Variants in CDK6 observed in about 807,000 individuals in gnomAD.
CDK6 encodes cyclin-dependent kinase 6.
Under a neutral mutation model 37.1 loss-of-function variants are expected in CDK6, and 6 were observed. The observed-to-expected ratio is 0.16, with a 90% CI of 0.09 to 0.32. CDK6 has a LOEUF of 0.32. Ranked by LOEUF, CDK6 falls within the 10% of genes least tolerant of loss-of-function variation. The probability of loss-of-function intolerance (pLI) is 1.00; values close to 1 mark genes in which losing one functional copy is unlikely to be tolerated. For missense variants in CDK6, 224 were observed against 418.9 expected (o/e 0.53, Z 4.06); for synonymous variants, 160 against 161.3 (o/e 0.99, Z 0.06).
intron 2 of CDK6, among the ~76,000 whole-genome samples, chr7:92,810,651 CAAT>C (rs1800854809): frequency 6.6e-6 from 1 of 152,090 alleles, no homozygotes; most frequent in African/African-American, 2.4e-5. Flanking sequence ...TAGAAACATA[CAAT>C]AATTTTACTG....
At chr7:92,818,053 T>C (rs927148695) in intron 2 of CDK6, among the ~76,000 whole-genome samples, 1 of 151,974 alleles carries the variant, frequency 6.6e-6, no homozygotes, top group African/African-American at 2.4e-5. Context: ...TCGCCCTAAT[T>C]AATAGAGATT....
intron 2 of CDK6, among the ~76,000 whole-genome samples, chr7:92,815,424 G>T (rs140844235): frequency 1.3e-5 from 2 of 152,200 alleles, no homozygotes; most frequent in African/African-American, 4.8e-5. Context: ...GGACATACAA[G>T]GCAGTAAGGG....
At chr7:92,711,676 T>TA (rs2116681596) in intron 4 of CDK6, among the ~76,000 whole-genome samples, 1 of 147,658 alleles carries the variant, frequency 6.8e-6, no homozygotes, top group South Asian at 2.2e-4. Flanking sequence ...CAAGCGATCT[T>TA]CCCACCTCAG....
intron 2 of CDK6, among the ~76,000 whole-genome samples, chr7:92,782,099 A>G (rs1413280306): frequency 2.0e-5 from 3 of 152,192 alleles, no homozygotes; most frequent in African/African-American, 7.2e-5. Context: ...AGCACCTACC[A>G]TGTGCAGGCA....
rs574451041 is a variant in CDK6 at position 92,727,943 on chromosome 7, A to G, written c.370-2150T>C. 3.3e-5 allele frequency among the ~76,000 whole-genome samples: 5 copies of G among 152,342 alleles called. No homozygotes were observed. In the South Asian group the frequency reaches 1.0e-3, roughly 32 times the overall value. On this transcript the variant is annotated intron_variant, in intron 3 of 7. Transcript: ENST00000424848. ...TTGTAAGCACTGAATTTTAAAAAGC[A>G]TGACTAACCTAAAGTAATGTCCTGT...
rs1479183409 is a variant in CDK6, at chr7:92,828,809, C to CAA, written c.233+4280_233+4281dup. 2.6e-5 allele frequency among the ~76,000 whole-genome samples: 4 copies of CAA among 152,104 alleles called. No homozygotes were observed. The East Asian group carries it at 7.7e-4, about 29-fold the overall frequency. ...TGCAATGTCAAAAATTCAGCATTATCAAGTTCTTCTGTAGGAACAAAAAAT... is the reference window on the plus strand; with the variant it reads ...TGCAATGTCAAAAATTCAGCATTATCAAAAGTTCTTCTGTAGGAACAAAAAAT... On this transcript the variant is annotated intron_variant, in intron 2 of 7. Transcript: ENST00000424848.
rs530216197 is a variant in CDK6, at chr7:92,709,014, T to C, written c.537+16612A>G. Among the ~76,000 whole-genome samples, 24 of 152,308 alleles carry C rather than the reference T, an allele frequency of 1.6e-4. No individual in the cohort carries two copies. In the South Asian group the frequency reaches 4.8e-3, roughly 30 times the overall value. ...TAAATATATTTTTATTTCTTATTTA[T>C]CTCATAAAGTAAATTTCATATCAGA... On this transcript the variant is annotated intron_variant, in intron 4 of 7. Transcript: ENST00000424848.
chr7:92,776,104 C>G (rs1331731062), intron 2 of CDK6, among the ~76,000 whole-genome samples: 1 of 151,258 alleles, frequency 6.6e-6, no homozygotes, highest in Non-Finnish European at 1.5e-5. Context: ...TGTTCCCCTC[C>G]CTGTGTCCAT....
chr7:92,609,433 T>TC lies in CDK6; in HGVS notation c.*5706_*5707insG, dbSNP rs1435199550. ...TTGTTATGCTCATATACTTCAGACT[T>TC]TTTTTTTTTAATTAGAGCTTCTTAT... On this transcript the variant is annotated 3_prime_UTR_variant, in exon 8 of 8. Transcript: ENST00000424848. The TC allele has an allele frequency of 4.7e-6, 1 of 214,780 alleles. No individual in the cohort carries two copies. The highest frequency in any genetic ancestry group is 9.3e-6 in the Non-Finnish European group (1 of 107,940). 13.3% of individuals were successfully genotyped at this position (214,780 alleles called of 1,614,324 possible).
chr7:92,662,464 C>A, intron 5 of CDK6, among the ~76,000 whole-genome samples: 1 of 152,150 alleles, frequency 6.6e-6, no homozygotes, highest in Non-Finnish European at 1.5e-5. Context: ...TAAACAAGCA[C>A]GTGTGCTCTA....
rs552308183 is a variant in CDK6 at position 92,833,564 on chromosome 7, T to TCGC, written c.-244_-242dup. On this transcript the variant is annotated 5_prime_UTR_variant, in exon 2 of 8. Transcript: ENST00000424848. This position sits in a 1 kb window ranked among gnomAD's most constrained non-coding sequence, Gnocchi z 6.1. Reference sequence around the variant, plus strand: ...CCGCCGCGAAACTCCGCCTGCAGAGTCGCCGCCGCCGCCGCCGCCGGAGGA... The same window carrying TCGC: ...CCGCCGCGAAACTCCGCCTGCAGAGTCGCCGCCGCCGCCGCCGCCGCCGGAGGA... 2.0e-3 allele frequency: 1,056 copies of TCGC among 536,018 alleles called. 5 individuals are homozygous for TCGC. The highest frequency in any genetic ancestry group is 0.019 in the African/African-American group (890 of 48,044). The allele number at this position is 536,018 out of a possible 1,614,324, so 33.2% of individuals were successfully genotyped here.
intron 2 of CDK6, among the ~76,000 whole-genome samples, chr7:92,804,467 G>T (rs560879689): frequency 2.6e-5 from 4 of 152,128 alleles, no homozygotes; most frequent in Admixed American, 2.6e-4. Context: ...ATCTCACCTC[G>T]CTCCCAATCA....
chr7:92,614,728 CAT>C lies in CDK6; in HGVS notation c.*410_*411del, dbSNP rs371948043. On this transcript the variant is annotated 3_prime_UTR_variant, in exon 8 of 8. Transcript: ENST00000424848. ...ACACACACACACACACACACACACA[CAT>C]GCACACACACACTCAAAAGTACCAA... is the stretch of plus-strand genomic sequence containing the variant. 73 of 271,476 alleles carry C rather than the reference CAT, an allele frequency of 2.7e-4. No homozygotes were observed. Among genetic ancestry groups the C allele is most frequent in the East Asian group, 6.7e-4 (13 of 19,324 alleles). 16.8% of individuals were successfully genotyped at this position (271,476 alleles called of 1,614,324 possible).
chr7:92,691,301 G>A (rs1797595250), intron 4 of CDK6, among the ~76,000 whole-genome samples: 1 of 152,166 alleles, frequency 6.6e-6, no homozygotes, highest in South Asian at 2.1e-4. Flanking sequence ...ATAAGGCATT[G>A]AGAAAGTGCT....
chr7:92,636,576 T>C (rs927259949), intron 5 of CDK6, among the ~76,000 whole-genome samples: 2 of 152,156 alleles, frequency 1.3e-5, no homozygotes, highest in Non-Finnish European at 2.9e-5. Flanking sequence ...ATGTCACTCA[T>C]AAGAAATGAA....
intron 3 of CDK6, among the ~76,000 whole-genome samples, chr7:92,756,091 G>A (rs776344872): frequency 4.0e-5 from 6 of 151,784 alleles, no homozygotes; most frequent in Non-Finnish European, 8.8e-5. Flanking sequence ...ACTTAAAAAG[G>A]TGGCTCTGTT....
chr7:92,757,571 T>G (rs1199236101), intron 3 of CDK6, among the ~76,000 whole-genome samples: 2 of 152,242 alleles, frequency 1.3e-5, no homozygotes, highest in Non-Finnish European at 2.9e-5. Flanking sequence ...GCATTTACGT[T>G]GATTCCATGT....
rs917748079 is a variant in CDK6 at position 92,782,081 on chromosome 7, C to T, written c.234-7250G>A. 6.6e-5 allele frequency among the ~76,000 whole-genome samples: 10 copies of T among 152,178 alleles called. No homozygotes were observed. The East Asian group carries it at 1.9e-3, about 29-fold the overall frequency. On this transcript the variant is annotated intron_variant, in intron 2 of 7. Transcript: ENST00000424848. The stretch of plus-strand genomic sequence containing the variant: ...TTGCGATTTCAGCAGCACCCATAAA[C>T]ATTTACCAGCACCTACCATGTGCAG...
chr7:92,695,758 TG>T (rs1797703470), intron 4 of CDK6, among the ~76,000 whole-genome samples: 1 of 152,142 alleles, frequency 6.6e-6, no homozygotes, highest in Non-Finnish European at 1.5e-5. Flanking sequence ...ATCCCCTGGG[TG>T]GGGAAGGCAG....
Sources: gnomAD v4.1 joint callset for allele counts (sites outside exome capture counted in the v4.1 genomes callset) on GRCh38, gnomAD v4.1.1 for gene constraint, Gnocchi (gnomAD v3.1) non-coding constraint, MANE v1.5 for transcripts, NCBI Gene and HGNC (gene_info 2026-07-23, HGNC 2026-07-21) for gene names.